The following ARG2 variants were observed in gnomAD, a reference collection of about 807,000 sequenced individuals.
ARG2 encodes the protein arginase 2.
A neutral mutation model predicts 39.4 loss-of-function variants in ARG2; 21 were observed. The observed-to-expected ratio is 0.53, with a 90% CI of 0.38 to 0.77. The LOEUF (loss-of-function observed/expected upper bound fraction) is 0.77, where lower values mean the gene tolerates loss of function less well. Among genes scored for constraint, ARG2 ranks in the 30% least tolerant of loss-of-function variants. ARG2 has a pLI of 0.00. For synonymous variants in ARG2, 150 were observed against 156.7 expected (o/e 0.96, Z 0.32); for missense variants, 378 against 426.2 (o/e 0.89, Z 1.00).
intron 2 of ARG2, among the ~76,000 whole-genome samples, chr14:67,633,357 A>G (rs1026837907): frequency 2.6e-5 from 4 of 152,030 alleles, no homozygotes; most frequent in Admixed American, 1.3e-4. Context: ...GTGGTGTCCT[A>G]TGACATATTC....
In ARG2 at chr14:67,651,602, C is replaced by T; in HGVS notation, c.*682C>T. On this transcript the variant is annotated 3_prime_UTR_variant, in exon 8 of 8. Coordinates refer to ENST00000261783, the MANE Select transcript of ARG2 (RefSeq NM_001172.4). ...TGAGGCTGTATGTTTGATCACACAG[C>T]CACTTAGCAGGAAGTACTCATAAGG... is the stretch of plus-strand genomic sequence containing the variant. 1 of 1,101,394 alleles carries T rather than the reference C, an allele frequency of 9.1e-7. No individual in the cohort carries two copies. The highest frequency in any genetic ancestry group is 2.7e-5 in the East Asian group (1 of 36,548). 68.2% of individuals were successfully genotyped at this position (1,101,394 alleles called of 1,614,324 possible).
At chr14:67,647,096 C>CAGCAGCT (rs2037110106) in intron 6 of ARG2, 71 bp downstream of exon 6, 2 of 988,284 alleles carry the variant, frequency 2.0e-6, no homozygotes, top group Admixed American at 4.1e-5. Flanking sequence ...TTCTTGAGGA[C>CAGCAGCT]AGCAGCTTTA....
chr14:67,628,858 T>C (rs1287319126), intron 2 of ARG2, among the ~76,000 whole-genome samples: 1 of 152,318 alleles, frequency 6.6e-6, no homozygotes, highest in Admixed American at 6.5e-5. Flanking sequence ...CTATATGATT[T>C]AGCAATTCCA....
intron 2 of ARG2, among the ~76,000 whole-genome samples, chr14:67,622,650 T>G (rs1447784929): frequency 1.3e-5 from 2 of 152,218 alleles, no homozygotes; most frequent in African/African-American, 4.8e-5. Context: ...TAAAATAGCT[T>G]GTACACACTG....
chr14:67,640,182 T>C (rs1482909357), intron 2 of ARG2, among the ~76,000 whole-genome samples: 2 of 152,178 alleles, frequency 1.3e-5, no homozygotes, highest in Non-Finnish European at 2.9e-5. Context: ...ACAATGTCTT[T>C]GGCCTGTTGT....
chr14:67,630,126 T>C (rs1566797246), intron 2 of ARG2, among the ~76,000 whole-genome samples: 1 of 152,296 alleles, frequency 6.6e-6, no homozygotes, highest in Admixed American at 6.5e-5. Flanking sequence ...ATCCCCCACA[T>C]CAGTTGTATT....
chr14:67,627,054 G>A (rs927621303), intron 2 of ARG2, among the ~76,000 whole-genome samples: 1 of 152,126 alleles, frequency 6.6e-6, no homozygotes, highest in African/African-American at 2.4e-5. Context: ...GTGGTTCCCA[G>A]GAGCTGGGAA....
intron 2 of ARG2, among the ~76,000 whole-genome samples, chr14:67,632,212 TTCC>T (rs1365204258): frequency 6.6e-6 from 1 of 152,218 alleles, no homozygotes; most frequent in Non-Finnish European, 1.5e-5. Flanking sequence ...ATACTTATTT[TTCC>T]TCCTAACTGC....
At position 67,620,004 on chromosome 14, in the gene ARG2, T is replaced by C; in HGVS notation, c.27T>C (p.Arg9=). 1.2e-6 allele frequency: 2 copies of C among 1,608,198 alleles called. No homozygotes were observed. Among genetic ancestry groups the C allele is most frequent in the Non-Finnish European group, 1.7e-6 (2 of 1,177,494 alleles). Residue 9 remains arginine (R), a synonymous_variant, in exon 1 of 8, where the codon CGT becomes CGC. Coordinates refer to ENST00000261783, the MANE Select transcript of ARG2 (RefSeq NM_001172.4). The stretch of plus-strand genomic sequence containing the variant: ...TGTCCCTAAGGGGCAGCCTCTCGCG[T>C]CTCCTCCAGACGCGAGTGCATTCCA... MSLRGSLS[R]LLQTRVHSIL...
chr14:67,639,217 T>A (rs1452284128), intron 2 of ARG2, among the ~76,000 whole-genome samples: 1 of 152,218 alleles, frequency 6.6e-6, no homozygotes, highest in Non-Finnish European at 1.5e-5. Context: ...TGAGTACTGT[T>A]TTCTGTCACG....
chr14:67,628,980 T>A (rs116371831), intron 2 of ARG2, among the ~76,000 whole-genome samples: 5 of 152,324 alleles, frequency 3.3e-5, no homozygotes, highest in Admixed American at 3.3e-4. Flanking sequence ...CAAGTGTCCA[T>A]TGATGGATGA....
chr14:67,632,174 A>G (rs1477227899), intron 2 of ARG2, among the ~76,000 whole-genome samples: 1 of 152,246 alleles, frequency 6.6e-6, no homozygotes, highest in Non-Finnish European at 1.5e-5. Flanking sequence ...GGCATGAGCC[A>G]CTATGCCCAG....
At position 67,646,631 on chromosome 14, in the gene ARG2, C is replaced by T. The variant is rs938510671; in HGVS notation, c.523-13C>T. 3 of 1,575,124 alleles carry T rather than the reference C, an allele frequency of 1.9e-6. No homozygotes were observed. The highest frequency in any genetic ancestry group is 1.7e-4 in the Middle Eastern group (1 of 6,000). The stretch of plus-strand genomic sequence containing the variant: ...AATTCTTGATTAATCCTGTCCATTT[C>T]TCCCTTTCATAGGTACCACAACTCC... On this transcript the variant is annotated splice_polypyrimidine_tract_variant and intron_variant, in intron 4 of 7. Coordinates refer to ENST00000261783, the MANE Select transcript of ARG2 (RefSeq NM_001172.4).
intron 2 of ARG2, among the ~76,000 whole-genome samples, chr14:67,634,183 T>C (rs752195426): frequency 6.6e-6 from 1 of 152,166 alleles, no homozygotes; most frequent in Non-Finnish European, 1.5e-5. Context: ...CCCAAACCAG[T>C]ATTTTGTTTC....
chr14:67,625,511 A>G (rs1292353739), intron 2 of ARG2, among the ~76,000 whole-genome samples: 1 of 151,814 alleles, frequency 6.6e-6, no homozygotes, highest in African/African-American at 2.4e-5. Context: ...CCCCATCTCT[A>G]CTAAAAATAC....
chr14:67,647,056 C>A (rs1241609659), intron 6 of ARG2, 31 bp downstream of exon 6: 2 of 1,379,902 alleles, frequency 1.4e-6, no homozygotes, highest in Admixed American at 1.7e-5. Context: ...TCAGGGCAAA[C>A]CCCCAATGGG....
chr14:67,651,058 T>C lies in ARG2; in HGVS notation c.*138T>C. The C allele has an allele frequency of 1.8e-6, 2 of 1,090,658 alleles. No homozygotes were observed. Among genetic ancestry groups the C allele is most frequent in the Non-Finnish European group, 1.3e-6 (1 of 761,628 alleles). 67.6% of individuals were successfully genotyped at this position (1,090,658 alleles called of 1,614,324 possible). On this transcript the variant is annotated 3_prime_UTR_variant, in exon 8 of 8. Coordinates refer to ENST00000261783, the MANE Select transcript of ARG2 (RefSeq NM_001172.4). ...TTTACACATTCTCACAATTGTAAAG[T>C]TTCCCCTCTATTTTGGTGACCAATA...
At chr14:67,641,686 T>C (rs1388775080) in intron 2 of ARG2, among the ~76,000 whole-genome samples, 1 of 152,182 alleles carries the variant, frequency 6.6e-6, no homozygotes, top group African/African-American at 2.4e-5. Flanking sequence ...ATGCCCATAA[T>C]CCCAGCACTT....
intron 2 of ARG2, among the ~76,000 whole-genome samples, chr14:67,627,305 A>G (rs1041077012): frequency 7.5e-5 from 11 of 146,912 alleles, no homozygotes; most frequent in Non-Finnish European, 1.6e-4. Flanking sequence ...AATTGCTAAT[A>G]TTGATCTGTT....
Sources: gnomAD v4.1 joint callset for allele counts (sites outside exome capture counted in the v4.1 genomes callset) on GRCh38, gnomAD v4.1.1 for gene constraint, MANE v1.5 for transcripts, NCBI Gene and HGNC (gene_info 2026-07-23, HGNC 2026-07-21) for gene names.